The following CPAMD8 variants were observed in gnomAD, a reference collection of about 807,000 sequenced individuals.
CPAMD8 encodes the protein C3 and PZP-like alpha-2-macroglobulin domain-containing protein 8.
In CPAMD8, 146 loss-of-function variants were observed where a neutral mutation model predicts 224.7. That is an observed-to-expected ratio of 0.65 (90% CI 0.57 to 0.75). The LOEUF is 0.75. CPAMD8 is among the 30% of genes least tolerant of loss of function. CPAMD8 has a pLI of 0.00. For synonymous variants in CPAMD8, 966 were observed against 1,044.6 expected, an observed-to-expected ratio of 0.92 and a Z score of 1.45; for missense variants, 2,301 against 2,537.5, an observed-to-expected ratio of 0.91 and a Z score of 2.00.
At chr19:16,951,696 C>T (rs923052868) in intron 20 of CPAMD8, among the ~76,000 whole-genome samples, 2 of 152,122 alleles carry the variant, frequency 1.3e-5, no homozygotes, top group Non-Finnish European at 2.9e-5. Context: ...CACACACATG[C>T]GTCCCCACCT....
chr19:16,954,405 C>T (rs1479585696), intron 19 of CPAMD8, among the ~76,000 whole-genome samples: 1 of 151,774 alleles, frequency 6.6e-6, no homozygotes, highest in Non-Finnish European at 1.5e-5. Flanking sequence ...GATTGGAACC[C>T]TGGTACACTG....
chr19:16,923,959 CA>C lies in CPAMD8; in HGVS notation c.3547+1236del, dbSNP rs113977173. Among the ~76,000 whole-genome samples the C allele has an allele frequency of 6.9e-3, 873 of 127,362 alleles. 5 individuals carry two copies. The highest frequency in any genetic ancestry group is 0.02 in the African/African-American group (684 of 34,522). The allele number at this position is 127,362 out of a possible 152,430, so 83.6% of individuals were successfully genotyped here. On this transcript the variant is annotated intron_variant, in intron 26 of 41. Coordinates refer to ENST00000443236, the MANE Select transcript of CPAMD8 (RefSeq NM_015692.5). ...TGACAGAGCGAGACCCTAGCTCTTA[CA>C]AAAAAAAAAAAGAAAAGAAAGGGAA...
At chr19:17,015,049 C>A (rs2123188553) in intron 3 of CPAMD8, among the ~76,000 whole-genome samples, 1 of 152,316 alleles carries the variant, frequency 6.6e-6, no homozygotes, top group African/African-American at 2.4e-5. Context: ...CGGGACCAGC[C>A]TGGCCAACAT....
rs770379950 is a variant in CPAMD8 at position 17,002,295 on chromosome 19, G to A, written c.729C>T (p.Asp243=). The change falls in exon 9 of 42, where the codon GAC becomes GAT. Residue 243 remains aspartate, a synonymous_variant. Transcript: ENST00000443236. ...IDPPRYIQDL[D]ACETGTVRAR... The stretch of plus-strand genomic sequence containing the variant: ...CCCGCACAGTGCCTGTCTCACAGGC[G>A]TCCAGGTCTTGGATATACCGGGGCG... The A allele has an allele frequency of 3.7e-6, 6 of 1,604,236 alleles. No individual in the cohort carries two copies. Among genetic ancestry groups the A allele is most frequent in the East Asian group, 2.2e-5 (1 of 44,646 alleles).
At chr19:16,961,433 G>A (rs555806862) in intron 18 of CPAMD8, among the ~76,000 whole-genome samples, 9 of 152,374 alleles carry the variant, frequency 5.9e-5, no homozygotes, top group Non-Finnish European at 8.8e-5. Flanking sequence ...GTCTGAGATC[G>A]AACTGCGACG....
intron 23 of CPAMD8, among the ~76,000 whole-genome samples, chr19:16,937,649 A>AT (rs2053738978): frequency 5.9e-5 from 6 of 102,378 alleles, no homozygotes; most frequent in Admixed American, 9.4e-5. Context: ...CTAACTTCAT[A>AT]CTTTTTTTTT....
At chr19:16,948,312 C>A (rs1328775100) in intron 20 of CPAMD8, among the ~76,000 whole-genome samples, 2 of 152,062 alleles carry the variant, frequency 1.3e-5, no homozygotes, top group African/African-American at 4.8e-5. Flanking sequence ...GAGAAGCATG[C>A]GGGGAAAATG....
intron 17 of CPAMD8, among the ~76,000 whole-genome samples, chr19:16,974,276 C>T (rs892557049): frequency 3.9e-5 from 6 of 152,014 alleles, no homozygotes; most frequent in African/African-American, 9.7e-5. Flanking sequence ...GGACTACAGG[C>T]GCCCCCTTAG....
At position 16,897,917 on chromosome 19, in the gene CPAMD8, T is replaced by A. The variant is rs199549659; in HGVS notation, c.4926A>T (p.Pro1642=). The A allele has an allele frequency of 2.9e-3, 4,612 of 1,610,592 alleles. 12 individuals are homozygous for A. Among genetic ancestry groups the A allele is most frequent in the Middle Eastern group, 8.4e-3 (51 of 6,050 alleles). Residue 1642 remains proline, a synonymous_variant, in exon 38 of 42, where the codon CCA becomes CCT. Transcript: ENST00000443236. ...ECVVGRTSAL[P]VSVYDYYEPA... ...GTTCGTAGTAGTCGTACACGGAGAC[T>A]GGCAGCGCCGACGTCCTGCCCACCA...
intron 13 of CPAMD8, among the ~76,000 whole-genome samples, chr19:16,985,970 C>T (rs534175860): frequency 6.6e-6 from 1 of 152,184 alleles, no homozygotes; most frequent in South Asian, 2.1e-4. Flanking sequence ...TAATGTCCCC[C>T]TTATAAAAAG....
chr19:16,957,743 G>T, intron 19 of CPAMD8, 110 bp downstream of exon 19: 2 of 962,194 alleles, frequency 2.1e-6, no homozygotes, highest in Non-Finnish European at 3.3e-6. Context: ...ACAGTGTCTT[G>T]CTCAGATGTT....
chr19:16,971,153 G>T, intron 17 of CPAMD8, 120 bp from the exon 18 acceptor site: 1 of 833,216 alleles, frequency 1.2e-6, no homozygotes, highest in East Asian at 2.8e-5. Flanking sequence ...GGCAACCTTG[G>T]GGGCATCATT....
intron 6 of CPAMD8, chr19:17,008,804 G>A (rs1314176066): frequency 1.8e-5 from 10 of 552,370 alleles, no homozygotes; most frequent in African/African-American, 5.7e-5. Flanking sequence ...AGAAATGGAC[G>A]TGGCTGGGTG....
intron 18 of CPAMD8, among the ~76,000 whole-genome samples, chr19:16,967,892 T>TATATGTGCATATCTACACACAC (rs71946803): frequency 2.0e-5 from 1 of 49,514 alleles, no homozygotes; most frequent in African/African-American, 1.3e-4. Context: ...TACACACACA[T>TATATGTGCATATCTACACACAC]GTGTGTGTAT....
chr19:16,894,853 A>C (rs1389790368), intron 41 of CPAMD8: 1 of 248,922 alleles, frequency 4.0e-6, no homozygotes, highest in Non-Finnish European at 8.2e-6. Context: ...GCTGCAGTGC[A>C]CAATGATCAT....
chr19:16,998,470 T>C (rs1352161882), intron 10 of CPAMD8, among the ~76,000 whole-genome samples: 1 of 151,964 alleles, frequency 6.6e-6, no homozygotes, highest in East Asian at 1.9e-4. Context: ...AATAAATAAA[T>C]TAATTAAATT....
At chr19:16,941,541 T>C (rs965877106) in intron 22 of CPAMD8, among the ~76,000 whole-genome samples, 3 of 152,194 alleles carry the variant, frequency 2.0e-5, no homozygotes, top group Admixed American at 6.5e-5. Flanking sequence ...GGATTTGTGT[T>C]CCCACCCAAA....
At chr19:16,999,119 A>C (rs889766537) in intron 10 of CPAMD8, among the ~76,000 whole-genome samples, 2 of 152,234 alleles carry the variant, frequency 1.3e-5, no homozygotes, top group Non-Finnish European at 2.9e-5. Context: ...AGAAATGTCC[A>C]GAACAGGCAA....
At chr19:16,931,266 C>T (rs923519238) in intron 23 of CPAMD8, among the ~76,000 whole-genome samples, 2 of 152,190 alleles carry the variant, frequency 1.3e-5, no homozygotes, top group Admixed American at 6.5e-5. Context: ...GCTCTGTCCC[C>T]GCAAGTGCCT....
Sources: gnomAD v4.1 joint callset for allele counts (sites outside exome capture counted in the v4.1 genomes callset) on GRCh38, gnomAD v4.1.1 for gene constraint, MANE v1.5 for transcripts, NCBI Gene and HGNC (gene_info 2026-07-23, HGNC 2026-07-21) for gene names.